PHLPP1: variants seen among roughly 807,000 people sequenced by gnomAD.
PHLPP1 encodes the protein PH domain leucine-rich repeat-containing protein phosphatase 1.
A neutral mutation model predicts 117.2 loss-of-function variants in PHLPP1; 42 were observed. The observed-to-expected ratio is 0.36, with a 90% confidence interval of 0.28 to 0.46. The LOEUF (loss-of-function observed/expected upper bound fraction) is 0.46, where lower values mean the gene tolerates loss of function less well. Among genes scored for constraint, PHLPP1 ranks in the 20% least tolerant of loss-of-function variants. The pLI is 1.00. For missense variants in PHLPP1, 2,084 were observed against 2,241.9 expected (o/e 0.93, Z 1.42); for synonymous variants, 1,042 against 970.7 (o/e 1.07, Z -1.37).
At chr18:62,756,012 GA>G (rs1442747842) in intron 1 of PHLPP1, among the ~76,000 whole-genome samples, 1 of 145,458 alleles carries the variant, frequency 6.9e-6, no homozygotes, top group Non-Finnish European at 1.5e-5. Flanking sequence ...TGCCAAGTGA[GA>G]ACACAGATTA....
intron 1 of PHLPP1, among the ~76,000 whole-genome samples, chr18:62,724,983 T>C (rs1911025543): frequency 6.6e-6 from 1 of 152,034 alleles, no homozygotes; most frequent in Non-Finnish European, 1.5e-5. Flanking sequence ...AGAATAAAAG[T>C]GTTAGAAAAA....
intron 1 of PHLPP1, among the ~76,000 whole-genome samples, chr18:62,726,557 T>C (rs1250317254): frequency 3.3e-5 from 5 of 150,496 alleles, no homozygotes; most frequent in African/African-American, 1.2e-4. Flanking sequence ...TCTTTTCTTT[T>C]CTTTCCTTTT....
chr18:62,870,855 T>G (rs965318780), intron 4 of PHLPP1, among the ~76,000 whole-genome samples: 1 of 152,234 alleles, frequency 6.6e-6, no homozygotes, highest in Non-Finnish European at 1.5e-5. Flanking sequence ...ACATTGTTCT[T>G]GGAACTAGTG....
chr18:62,716,881 C>A lies in PHLPP1; in HGVS notation c.1198C>A (p.Pro400Thr). ...GGGCCAGCCCCGCCGTCCCGGCCAC[C>A]CCGCGCAGCCCCTCCCGCTTCCCCA... ...VPGQPRRPGH[P>T]AQPLPLPQTA... The change falls in exon 1 of 17, where the codon CCC (proline) becomes ACC (threonine). Residue 400 changes from proline (P) to threonine (T), a missense_variant. Pro to Thr is a conservative substitution (Grantham distance 38). Transcript: ENST00000262719. This position sits in a 1 kb window ranked among gnomAD's most constrained non-coding sequence, Gnocchi z 5.7. 3 of 1,525,488 alleles carry A rather than the reference C, an allele frequency of 2.0e-6. No individual in the cohort carries two copies. The highest frequency in any genetic ancestry group is 2.6e-6 in the Non-Finnish European group (3 of 1,142,360). 94.5% of individuals were successfully genotyped at this position (1,525,488 alleles called of 1,614,324 possible).
At chr18:62,946,700 T>C (rs184412140) in intron 12 of PHLPP1, among the ~76,000 whole-genome samples, 34 of 152,340 alleles carry the variant, frequency 2.2e-4, no homozygotes, top group African/African-American at 7.2e-4. Context: ...ATGTTTTACT[T>C]TGGGCTTTAA....
At chr18:62,831,847 T>C (rs1447688373) in intron 2 of PHLPP1, among the ~76,000 whole-genome samples, 1 of 152,216 alleles carries the variant, frequency 6.6e-6, no homozygotes, top group Non-Finnish European at 1.5e-5. Context: ...TAATACTTGA[T>C]CATTTTCAAA....
intron 10 of PHLPP1, among the ~76,000 whole-genome samples, chr18:62,937,121 A>G (rs1003508943): frequency 6.6e-6 from 1 of 152,374 alleles, no homozygotes; most frequent in Non-Finnish European, 1.5e-5. Flanking sequence ...TGTTTCTAAG[A>G]GAATTTGGCT....
intron 4 of PHLPP1, among the ~76,000 whole-genome samples, chr18:62,872,642 A>G (rs1310183310): frequency 6.6e-6 from 1 of 151,904 alleles, no homozygotes. Context: ...CAGTGAGCAG[A>G]GATCGCGCCA....
chr18:62,790,804 G>A (rs2144289358), intron 1 of PHLPP1, among the ~76,000 whole-genome samples: 1 of 152,204 alleles, frequency 6.6e-6, no homozygotes, highest in Non-Finnish European at 1.5e-5. Context: ...CTGAGTCTGG[G>A]GACTGAGAGG....
At chr18:62,963,910 A>G (rs961541076) in intron 14 of PHLPP1, among the ~76,000 whole-genome samples, 5 of 152,174 alleles carry the variant, frequency 3.3e-5, no homozygotes, top group Admixed American at 1.3e-4. Flanking sequence ...TGTTTTTACA[A>G]TCTAAATTAG....
chr18:62,895,176 A>G lies in PHLPP1; in HGVS notation c.2213+19A>G, dbSNP rs1010322486. 3 of 1,608,882 alleles carry G rather than the reference A, an allele frequency of 1.9e-6. No homozygotes were observed. Among genetic ancestry groups the G allele is most frequent in the Non-Finnish European group, 2.5e-6 (3 of 1,176,600 alleles). On this transcript the variant is annotated intron_variant, in intron 5 of 16. Transcript: ENST00000262719. ...TGCACAAGTGTGTACTTCAAACCCC[A>G]CTGGCGGGTATATCCAGAAGCCCCA... is the stretch of plus-strand genomic sequence containing the variant.
At chr18:62,888,083 C>T (rs1599103306) in intron 4 of PHLPP1, among the ~76,000 whole-genome samples, 1 of 152,138 alleles carries the variant, frequency 6.6e-6, no homozygotes, top group East Asian at 1.9e-4. Context: ...TAGAATTGTC[C>T]CTGGCTATGA....
At chr18:62,958,244 T>C (rs1910675168) in intron 12 of PHLPP1, among the ~76,000 whole-genome samples, 1 of 152,232 alleles carries the variant, frequency 6.6e-6, no homozygotes, top group Non-Finnish European at 1.5e-5. Context: ...TGTTTTGTTT[T>C]AAGAAATTCC....
At chr18:62,791,519 C>T (rs1407642113) in intron 1 of PHLPP1, among the ~76,000 whole-genome samples, 1 of 152,160 alleles carries the variant, frequency 6.6e-6, no homozygotes, top group African/African-American at 2.4e-5. Flanking sequence ...TGCTTTGCTT[C>T]TGACTTTATT....
At chr18:62,809,874 T>C (rs1213086107) in intron 1 of PHLPP1, among the ~76,000 whole-genome samples, 3 of 152,244 alleles carry the variant, frequency 2.0e-5, no homozygotes, top group African/African-American at 4.8e-5. Flanking sequence ...CTTTTGTACA[T>C]GTATTAACAT....
intron 13 of PHLPP1, among the ~76,000 whole-genome samples, chr18:62,962,252 G>C (rs1035079580): frequency 6.6e-6 from 1 of 151,970 alleles, no homozygotes; most frequent in East Asian, 1.9e-4. Flanking sequence ...GCTTTCTAGA[G>C]GCTGATTTTA....
intron 3 of PHLPP1, among the ~76,000 whole-genome samples, chr18:62,845,443 T>A (rs1483873476): frequency 1.3e-5 from 2 of 152,020 alleles, no homozygotes; most frequent in African/African-American, 4.8e-5. Context: ...CATCACTCTT[T>A]TAAAAAAGAG....
chr18:62,900,510 G>A (rs1233240786), intron 6 of PHLPP1, among the ~76,000 whole-genome samples: 1 of 114,786 alleles, frequency 8.7e-6, no homozygotes, highest in Admixed American at 1.3e-4. Context: ...ATCACAGCTT[G>A]TTACCCAAGC....
intron 3 of PHLPP1, among the ~76,000 whole-genome samples, chr18:62,851,029 C>T (rs1915334529): frequency 6.6e-6 from 1 of 152,180 alleles, no homozygotes; most frequent in Non-Finnish European, 1.5e-5. Context: ...TGTGTGTCCT[C>T]AAGAGGCTAA....
Sources: allele counts gnomAD v4.1 joint callset (sites outside exome capture counted in the v4.1 genomes callset), GRCh38; gene constraint gnomAD v4.1.1; non-coding constraint Gnocchi (gnomAD v3.1); transcripts MANE v1.5; gene names NCBI Gene and HGNC (gene_info 2026-07-23, HGNC 2026-07-21).